Variants in PPP4R4 observed in about 807,000 individuals in gnomAD.
PPP4R4 encodes the protein serine/threonine-protein phosphatase 4 regulatory subunit 4.
PPP4R4 carries 70 observed loss-of-function variants against 121.8 expected under a neutral mutation model. The ratio of observed to expected loss-of-function variants is 0.57; its 90% CI spans 0.47 to 0.70. The LOEUF is 0.70. Ranked by LOEUF, PPP4R4 falls within the 30% of genes least tolerant of loss-of-function variation. The pLI, the probability that PPP4R4 is intolerant of heterozygous loss-of-function variation, is 0.00. For missense variants in PPP4R4, 875 were observed against 1,033.6 expected, an observed-to-expected ratio of 0.85 and a Z score of 2.10; for synonymous variants, 348 against 355.7, an observed-to-expected ratio of 0.98 and a Z score of 0.24.
chr14:94,200,122 T>C (rs1890095354), intron 2 of PPP4R4, among the ~76,000 whole-genome samples: 1 of 152,174 alleles, frequency 6.6e-6, no homozygotes, highest in Non-Finnish European at 1.5e-5. Flanking sequence ...AGATTACTTT[T>C]AAAATTATAA....
chr14:94,192,674 A>G (rs767714529), intron 2 of PPP4R4, among the ~76,000 whole-genome samples: 1 of 152,188 alleles, frequency 6.6e-6, no homozygotes, highest in Non-Finnish European at 1.5e-5. Flanking sequence ...TATCCTGCAC[A>G]TAGTTGAACA....
intron 23 of PPP4R4, 133 bp downstream of exon 23, chr14:94,267,162 T>A: frequency 1.7e-6 from 1 of 576,718 alleles, no homozygotes; most frequent in Non-Finnish European, 2.9e-6. Flanking sequence ...CCTAAGAAAT[T>A]AAACTTTTGT....
At chr14:94,269,173 T>C (rs1894192607) in intron 23 of PPP4R4, among the ~76,000 whole-genome samples, 2 of 152,190 alleles carry the variant, frequency 1.3e-5, no homozygotes, top group African/African-American at 4.8e-5. Context: ...ATCTTATTTG[T>C]CGGACTCAAA....
chr14:94,274,009 A>G (rs1310983430), intron 23 of PPP4R4, among the ~76,000 whole-genome samples: 1 of 151,950 alleles, frequency 6.6e-6, no homozygotes. Flanking sequence ...TGACACTCCC[A>G]CCCTTTCTAG....
Position 94,278,843 on chromosome 14 carries a change from AAT to A in PPP4R4, c.*207_*208del. 2.7e-6 allele frequency: 1 copy of A among 365,164 alleles called. No homozygotes were observed. The highest frequency in any genetic ancestry group is 4.8e-6 in the Non-Finnish European group (1 of 207,770). The allele number at this position is 365,164 out of a possible 1,614,324, so 22.6% of individuals were successfully genotyped here. A position where few individuals can be genotyped will look rare whatever the true frequency, so the allele number is the denominator to read the frequency against. On this transcript the variant is annotated 3_prime_UTR_variant, in exon 25 of 25. Coordinates refer to ENST00000304338, the MANE Select transcript of PPP4R4 (RefSeq NM_058237.2). ...TCAAATTAGATTCCCTAGGAGGTAT[AAT>A]ATATATTTCTTGAGTAATAATGTGG... is the stretch of plus-strand genomic sequence containing the variant.
chr14:94,258,916 G>A, intron 18 of PPP4R4, 92 bp downstream of exon 18: 1 of 1,198,454 alleles, frequency 8.3e-7, no homozygotes, highest in Admixed American at 2.0e-5. Context: ...AAAAGAAAGA[G>A]GTTTAATTGA....
intron 1 of PPP4R4, 83 bp from the exon 2 acceptor site, chr14:94,175,971 C>A: frequency 1.9e-6 from 2 of 1,041,892 alleles, no homozygotes; most frequent in South Asian, 1.3e-5. Flanking sequence ...ATTCGTTTAT[C>A]CTCATAGAGG....
intron 14 of PPP4R4, among the ~76,000 whole-genome samples, chr14:94,246,764 G>T (rs1485430831): frequency 2.0e-5 from 3 of 152,126 alleles, no homozygotes; most frequent in Non-Finnish European, 4.4e-5. Context: ...GGAACGACTA[G>T]GTGGCACTTT....
intron 2 of PPP4R4, among the ~76,000 whole-genome samples, chr14:94,180,684 C>T (rs768045776): frequency 6.6e-6 from 1 of 150,402 alleles, no homozygotes; most frequent in Non-Finnish European, 1.5e-5. Flanking sequence ...TTCACAGGCA[C>T]GGTCACAGTG....
intron 2 of PPP4R4, among the ~76,000 whole-genome samples, chr14:94,194,298 G>A (rs1889749185): frequency 1.3e-5 from 2 of 152,116 alleles, no homozygotes; most frequent in South Asian, 2.1e-4. Context: ...TGTTGAGTGG[G>A]CTTGTGTTCA....
chr14:94,206,068 A>C (rs1022130218), intron 2 of PPP4R4, among the ~76,000 whole-genome samples: 1 of 151,838 alleles, frequency 6.6e-6, no homozygotes, highest in African/African-American at 2.4e-5. Context: ...GGGTTCTGAA[A>C]TCTCCAGCTG....
Position 94,243,977 on chromosome 14 carries a change from T to C in PPP4R4, c.1267-658T>C, listed in dbSNP as rs1045578450. Reference sequence around the variant, plus strand: ...AACACTTTCTTTATCCAGGGACCATTTTTTTTTTCAAATAAAACTTTATTC... The same window carrying C: ...AACACTTTCTTTATCCAGGGACCATCTTTTTTTTCAAATAAAACTTTATTC... On this transcript the variant is annotated intron_variant, in intron 11 of 24. Transcript: ENST00000304338. 2.6e-5 allele frequency among the ~76,000 whole-genome samples: 4 copies of C among 151,540 alleles called. No individual in the cohort carries two copies. In the East Asian group the frequency reaches 7.7e-4, roughly 29 times the overall value.
intron 17 of PPP4R4, among the ~76,000 whole-genome samples, chr14:94,257,234 T>C (rs1893523558): frequency 6.6e-6 from 1 of 152,066 alleles, no homozygotes. Context: ...AACTAAACAG[T>C]AAAAATTTGG....
chr14:94,227,445 G>A (rs953119039), intron 3 of PPP4R4: 8 of 1,542,168 alleles, frequency 5.2e-6, no homozygotes, highest in African/African-American at 4.1e-5. Context: ...TTGATTTTTA[G>A]CAGTGATGAA....
At chr14:94,176,186 A>G in intron 2 of PPP4R4, 59 bp downstream of exon 2, 1 of 1,369,890 alleles carries the variant, frequency 7.3e-7, no homozygotes, top group Non-Finnish European at 1.0e-6. Context: ...GCAGAGATGA[A>G]TGCTTTCTAA....
chr14:94,250,354 A>G, intron 15 of PPP4R4, 77 bp downstream of exon 15: 2 of 934,790 alleles, frequency 2.1e-6, no homozygotes, highest in South Asian at 1.4e-5. Flanking sequence ...TAACTTATGT[A>G]TCATTTTGCT....
At chr14:94,275,564 C>G (rs1275808778) in intron 24 of PPP4R4, 43 bp downstream of exon 24, 10 of 1,600,762 alleles carry the variant, frequency 6.2e-6, no homozygotes, top group Non-Finnish European at 8.6e-6. Context: ...TTATCCTCCT[C>G]TTTTGCTTAA....
At chr14:94,213,374 A>C (rs1399424445) in intron 3 of PPP4R4, among the ~76,000 whole-genome samples, 1 of 152,184 alleles carries the variant, frequency 6.6e-6, no homozygotes, top group Non-Finnish European at 1.5e-5. Context: ...CACCCAGAGA[A>C]ATCTTTTAAA....
At chr14:94,191,394 T>C (rs1479517795) in intron 2 of PPP4R4, among the ~76,000 whole-genome samples, 1 of 152,208 alleles carries the variant, frequency 6.6e-6, no homozygotes, top group Non-Finnish European at 1.5e-5. Context: ...TGTATGTATT[T>C]ATGGGATACA....
Sources: allele counts gnomAD v4.1 joint callset (sites outside exome capture counted in the v4.1 genomes callset), GRCh38; gene constraint gnomAD v4.1.1; transcripts MANE v1.5; gene names NCBI Gene and HGNC (gene_info 2026-07-23, HGNC 2026-07-21).